CDK7: variants seen among roughly 807,000 people sequenced by gnomAD.
CDK7 encodes the protein cyclin-dependent kinase 7.
CDK7 carries 25 observed loss-of-function variants against 49.1 expected under a neutral mutation model. The observed-to-expected ratio is 0.51, with a 90% CI of 0.37 to 0.71. The LOEUF (loss-of-function observed/expected upper bound fraction) is 0.71, where lower values mean the gene tolerates loss of function less well. Among genes scored for constraint, CDK7 ranks in the 30% least tolerant of loss-of-function variants. The pLI is 0.00. For missense variants in CDK7, 316 were observed against 411.7 expected (o/e 0.77, Z 2.01); for synonymous variants, 107 against 140.0 (o/e 0.76, Z 1.67).
rs201391862 is a variant in CDK7 at position 69,276,533 on chromosome 5, C to A, written c.865-10C>A. 6.2e-7 allele frequency: 1 copy of A among 1,611,830 alleles called. No individual in the cohort carries two copies. Among genetic ancestry groups the A allele is most frequent in the East Asian group, 2.2e-5 (1 of 44,874 alleles). ...ACCTACCTTACTTTTGGTATCTTTT[C>A]TTTTAAAAGGCACTGAAAATGAAGT... On this transcript the variant is annotated splice_polypyrimidine_tract_variant and intron_variant, in intron 10 of 11. Transcript: ENST00000256443.
In CDK7 at chr5:69,252,417, G is replaced by T; in HGVS notation, c.127-1G>T. 2.0e-6 allele frequency: 3 copies of T among 1,530,762 alleles called. No homozygotes were observed. The highest frequency in any genetic ancestry group is 2.7e-6 in the Non-Finnish European group (3 of 1,130,958). 94.8% of individuals were successfully genotyped at this position (1,530,762 alleles called of 1,614,324 possible). ...TTTGGGTTTTTTTCCGTTTCTACCA[G>T]ATCAAACTTGGACATAGATCAGAAG... On this transcript the variant is annotated splice_acceptor_variant, in intron 2 of 11. Transcript: ENST00000256443. LOFTEE classifies it high-confidence loss of function.
At chr5:69,254,808 A>AG in intron 4 of CDK7, 139 bp downstream of exon 4, 1 of 579,370 alleles carries the variant, frequency 1.7e-6, no homozygotes, top group Non-Finnish European at 3.1e-6. Context: ...TTTCTATCCC[A>AG]GTTGTTTTGG....
intron 2 of CDK7, among the ~76,000 whole-genome samples, chr5:69,237,590 CTGTT>C (rs1749084722): frequency 6.6e-6 from 1 of 152,122 alleles, no homozygotes; most frequent in African/African-American, 2.4e-5. Context: ...AGTTTATTGT[CTGTT>C]TAATTCCATT....
At chr5:69,271,832 T>A (rs1385066130) in intron 9 of CDK7, among the ~76,000 whole-genome samples, 1 of 152,142 alleles carries the variant, frequency 6.6e-6, no homozygotes, top group Non-Finnish European at 1.5e-5. Context: ...TTTTTTTGTA[T>A]TTTTTTCTAC....
chr5:69,255,345 T>TA, intron 4 of CDK7, 115 bp from the exon 5 acceptor site: 1 of 604,842 alleles, frequency 1.7e-6, no homozygotes, highest in Non-Finnish European at 3.0e-6. Flanking sequence ...ATTTAAGCTT[T>TA]ATAGGGAATT....
chr5:69,237,877 G>C (rs1749108949), intron 2 of CDK7, among the ~76,000 whole-genome samples: 1 of 152,108 alleles, frequency 6.6e-6, no homozygotes, highest in South Asian at 2.1e-4. Flanking sequence ...TAATTGCTGG[G>C]ATTACACGTG....
At chr5:69,247,468 T>C (rs2972369) in intron 2 of CDK7, among the ~76,000 whole-genome samples, 42,088 of 151,754 alleles carry the variant, frequency 0.28, 6,461 homozygotes, top group East Asian at 0.4. Flanking sequence ...TGTGTCTGTA[T>C]AGTTAAAGTG....
chr5:69,240,960 T>C (rs924799949), intron 2 of CDK7, among the ~76,000 whole-genome samples: 1 of 152,184 alleles, frequency 6.6e-6, no homozygotes, highest in Non-Finnish European at 1.5e-5. Flanking sequence ...TTTGTGTATA[T>C]GCACCACATT....
At chr5:69,243,588 T>G (rs1406837853) in intron 2 of CDK7, among the ~76,000 whole-genome samples, 1 of 152,136 alleles carries the variant, frequency 6.6e-6, no homozygotes, top group African/African-American at 2.4e-5. Flanking sequence ...TTTTGTTCTT[T>G]TTTCTTAGGA....
chr5:69,270,182 T>A (rs1181129850), intron 9 of CDK7, among the ~76,000 whole-genome samples: 1 of 152,090 alleles, frequency 6.6e-6, no homozygotes, highest in African/African-American at 2.4e-5. Context: ...ACGCCTGTAA[T>A]CCCAGCACTT....
chr5:69,241,314 C>CTTTTT (rs747725798), intron 2 of CDK7, among the ~76,000 whole-genome samples: 20 of 35,218 alleles, frequency 5.7e-4, no homozygotes, highest in East Asian at 7.3e-4. Flanking sequence ...TAGGTTTTTT[C>CTTTTT]TTTTTTTTTT....
At chr5:69,252,480 G>A (rs770048690) in intron 3 of CDK7, 29 bp downstream of exon 3, 2 of 769,388 alleles carry the variant, frequency 2.6e-6, no homozygotes, top group Non-Finnish European at 4.1e-6. Flanking sequence ...CTGACAGATA[G>A]GAAAAGTTTT....
intron 10 of CDK7, among the ~76,000 whole-genome samples, chr5:69,273,645 A>G (rs1163947695): frequency 6.6e-6 from 1 of 152,232 alleles, no homozygotes; most frequent in Non-Finnish European, 1.5e-5. Flanking sequence ...AAGACCTAGA[A>G]TAACTTAGGG....
chr5:69,245,413 C>T (rs1749688156), intron 2 of CDK7, among the ~76,000 whole-genome samples: 1 of 151,068 alleles, frequency 6.6e-6, no homozygotes, highest in African/African-American at 2.4e-5. Flanking sequence ...GTCATCTCAG[C>T]TCATTGCAAC....
intron 8 of CDK7, among the ~76,000 whole-genome samples, chr5:69,264,952 C>T (rs967027861): frequency 6.7e-6 from 1 of 149,144 alleles, no homozygotes; most frequent in African/African-American, 2.5e-5. Context: ...GCCTGGGCAA[C>T]AAATGTGAAA....
chr5:69,250,859 AT>A (rs1291324763), intron 2 of CDK7: 1 of 456,582 alleles, frequency 2.2e-6, no homozygotes, highest in East Asian at 6.9e-5. Context: ...ACTGCTGATT[AT>A]TCAGGGCCCA....
At chr5:69,241,714 G>A (rs1246341752) in intron 2 of CDK7, among the ~76,000 whole-genome samples, 1 of 152,064 alleles carries the variant, frequency 6.6e-6, no homozygotes, top group African/African-American at 2.4e-5. Flanking sequence ...CTTCTTTTGA[G>A]AAATACCTAC....
chr5:69,252,494 CTTTTTTTTTTTTTTTTTT>C (rs138764556), intron 3 of CDK7, 43 bp downstream of exon 3: 11 of 364,290 alleles, frequency 3.0e-5, no homozygotes, highest in Admixed American at 6.8e-5. Flanking sequence ...AAGTTTTCTC[CTTTTTTTTTTTTTTTTTT>C]TTTTTTTTTT....
Position 69,235,390 on chromosome 5 carries a change from C to G in CDK7, c.67-4C>G. On this transcript the variant is annotated splice_region_variant and splice_polypyrimidine_tract_variant and intron_variant, in intron 1 of 11. Transcript: ENST00000256443. ...ACTTATGTTATTTCTATTTTTCTTT[C>G]TAGTTTGCCACCGTTTACAAGGCCA... 1 of 1,588,788 alleles carries G rather than the reference C, an allele frequency of 6.3e-7. No homozygotes were observed. Among genetic ancestry groups the G allele is most frequent in the Non-Finnish European group, 8.6e-7 (1 of 1,157,582 alleles).
Sources: allele counts gnomAD v4.1 joint callset (sites outside exome capture counted in the v4.1 genomes callset), GRCh38; gene constraint gnomAD v4.1.1; transcripts MANE v1.5; gene names NCBI Gene and HGNC (gene_info 2026-07-23, HGNC 2026-07-21).